Variants in USP35 observed in about 807,000 individuals in gnomAD.
The protein encoded by USP35 is ubiquitin carboxyl-terminal hydrolase 35.
Under a neutral mutation model 83.8 loss-of-function variants are expected in USP35, and 69 were observed. The ratio of observed to expected loss-of-function variants is 0.82; its 90% CI spans 0.68 to 1.01. The LOEUF is 1.01. Among genes scored for constraint, USP35 ranks in the 50% least tolerant of loss-of-function variants. The pLI is 0.00. For missense variants in USP35, 1,503 were observed against 1,362.5 expected (o/e 1.10, Z -1.62); for synonymous variants, 714 against 589.5 (o/e 1.21, Z -3.06).
intron 1 of USP35, among the ~76,000 whole-genome samples, chr11:78,193,308 C>T (rs369083793): frequency 1.2e-4 from 19 of 152,146 alleles, no homozygotes; most frequent in African/African-American, 4.6e-4. Context: ...AGCCTCCTGT[C>T]TCAGCCCCAA....
chr11:78,196,095 C>G lies in USP35; in HGVS notation c.-10-141C>G. The G allele has an allele frequency of 2.2e-6, 3 of 1,333,768 alleles. No homozygotes were observed. The highest frequency in any genetic ancestry group is 2.9e-6 in the Non-Finnish European group (3 of 1,025,160). The allele number at this position is 1,333,768 out of a possible 1,614,324, so 82.6% of individuals were successfully genotyped here. On this transcript the variant is annotated intron_variant, in intron 1 of 10. Transcript: ENST00000529308. This position sits in a 1 kb window ranked among gnomAD's most constrained non-coding sequence, Gnocchi z 4.8. ...GGATAGCTCTCAGTGAAATGACGCC[C>G]TTGCCCCATTTCACAGATGAGAAAA...
chr11:78,219,396 G>A (rs2134449451), downstream of USP35: 1 of 1,613,966 alleles, frequency 6.2e-7, no homozygotes, highest in East Asian at 2.2e-5. Context: ...CTCATCAGAG[G>A]TGACGGATGA....
chr11:78,237,150 C>G, the USP35 span, among the ~76,000 whole-genome samples: 7 of 152,112 alleles, frequency 4.6e-5, no homozygotes, highest in African/African-American at 1.7e-4. Context: ...TAGAATTTAC[C>G]AGTAAAACCA....
Position 78,196,272 on chromosome 11 carries a change from G to T in USP35, c.27G>T (p.Val9=). The T allele has an allele frequency of 1.3e-6, 2 of 1,595,552 alleles. No individual in the cohort carries two copies. Among genetic ancestry groups the T allele is most frequent in the Non-Finnish European group, 1.7e-6 (2 of 1,177,852 alleles). ...TGGACAAGATCTTGGAGGCGGTGGT[G>T]ACGTCGTCATACCCGGTCAGCGTGA... The part of the protein sequence containing the change: MDKILEAV[V]TSSYPVSVKQ... The change falls in exon 2 of 11, where the codon GTG becomes GTT. Residue 9 remains valine (V), a synonymous_variant. Coordinates refer to ENST00000529308, the MANE Select transcript of USP35 (RefSeq NM_020798.4). This position sits in a 1 kb window ranked among gnomAD's most constrained non-coding sequence, Gnocchi z 4.8.
At position 78,210,693 on chromosome 11, in the gene USP35, G is replaced by T. The variant is rs1157964637; in HGVS notation, c.2838G>T (p.Leu946=). 2 of 1,594,328 alleles carry T rather than the reference G, an allele frequency of 1.3e-6. No homozygotes were observed. Among genetic ancestry groups the T allele is most frequent in the Non-Finnish European group, 1.7e-6 (2 of 1,169,252 alleles). The change falls in exon 10 of 11, where the codon CTG becomes CTT. Residue 946 remains leucine (L), a synonymous_variant. Coordinates refer to ENST00000529308, the MANE Select transcript of USP35 (RefSeq NM_020798.4). ...GSSRVRTEPT[L]HKDLMEAISK... is the part of the protein sequence containing the mutation. ...CTAGAGTCCGGACAGAGCCCACCCT[G>T]CACAAGGACTTGATGGAAGCCATTT...
Position 78,209,714 on chromosome 11 carries a change from A to ATGCG in USP35, c.1859_1860insTGCG (p.Ile621AlafsTer109). 6.2e-7 allele frequency: 1 copy of ATGCG among 1,614,016 alleles called. No homozygotes were observed. The highest frequency in any genetic ancestry group is 8.5e-7 in the Non-Finnish European group (1 of 1,179,980). ...GGCTCTGTGATGCGCCCCACAGAAG[A>ATGCG]CATCACAGCCCGGGAGTTGCCCCCA... On this transcript the variant is annotated frameshift_variant, in exon 10 of 11. Coordinates refer to ENST00000529308, the MANE Select transcript of USP35 (RefSeq NM_020798.4). LOFTEE classifies it high-confidence loss of function.
At chr11:78,200,564 G>C in intron 5 of USP35, 86 bp from the exon 6 acceptor site, 1 of 1,521,864 alleles carries the variant, frequency 6.6e-7, no homozygotes, top group Middle Eastern at 2.4e-4. Flanking sequence ...ACCTCAGAGA[G>C]TGTTGCGTGC....
At chr11:78,206,505 A>T (rs1863534396) in intron 7 of USP35, among the ~76,000 whole-genome samples, 1 of 152,160 alleles carries the variant, frequency 6.6e-6, no homozygotes, top group Non-Finnish European at 1.5e-5. Context: ...GGCTTATCGT[A>T]TGTCCTCAAG....
chr11:78,226,158 C>A, the USP35 span, among the ~76,000 whole-genome samples: 186 of 152,270 alleles, frequency 1.2e-3, no homozygotes, highest in African/African-American at 4.3e-3. Flanking sequence ...GAATAAAATA[C>A]AATGATTTGG....
chr11:78,227,854 T>C, the USP35 span, among the ~76,000 whole-genome samples: 1 of 152,122 alleles, frequency 6.6e-6, no homozygotes, highest in Admixed American at 6.6e-5. Flanking sequence ...ACGTAAGCTC[T>C]AGATTTATTT....
intron 10 of USP35, among the ~76,000 whole-genome samples, chr11:78,211,517 AG>A (rs1194092894): frequency 6.6e-6 from 1 of 152,172 alleles, no homozygotes; most frequent in African/African-American, 2.4e-5. Context: ...TAGGTCTTTG[AG>A]GAATTGCCAC....
At chr11:78,226,949 G>A in the USP35 span, 2 of 1,613,538 alleles carry the variant, frequency 1.2e-6, no homozygotes, top group Admixed American at 1.7e-5. Flanking sequence ...CTTGACCACT[G>A]ATCCCGTTGA....
intron 3 of USP35, 124 bp downstream of exon 3, chr11:78,198,192 G>C: frequency 2.8e-6 from 4 of 1,422,636 alleles, no homozygotes; most frequent in Non-Finnish European, 3.8e-6. Context: ...GCCCTCATGT[G>C]TGTTCCATCA....
In USP35 at chr11:78,208,846, C is replaced by A. The variant is rs199583040; in HGVS notation, c.1486-11C>A. On this transcript the variant is annotated splice_polypyrimidine_tract_variant and intron_variant, in intron 8 of 10. Coordinates refer to ENST00000529308, the MANE Select transcript of USP35 (RefSeq NM_020798.4). The stretch of plus-strand genomic sequence containing the variant: ...TGCTCCTGACCATGCCTTTCGCCTG[C>A]CTTGTCCTAGCGGCCTGCCATTTCC... The A allele has an allele frequency of 1.5e-5, 25 of 1,613,990 alleles. No individual in the cohort carries two copies. The highest frequency in any genetic ancestry group is 2.5e-6 in the Non-Finnish European group (3 of 1,179,964).
chr11:78,227,631 CAAA>C, the USP35 span, among the ~76,000 whole-genome samples: 29 of 106,028 alleles, frequency 2.7e-4, no homozygotes, highest in Admixed American at 3.1e-4. Flanking sequence ...CCATTGCCAC[CAAA>C]AAAAAAAAAA....
chr11:78,201,006 A>G (rs1418268520), intron 6 of USP35, among the ~76,000 whole-genome samples, 198 bp downstream of exon 6: 1 of 152,224 alleles, frequency 6.6e-6, no homozygotes. Context: ...GGGCTGCCTC[A>G]TGGCTGCTCT....
chr11:78,213,571 G>C, intron 10 of USP35, 75 bp from the exon 11 acceptor site: 1 of 1,404,832 alleles, frequency 7.1e-7, no homozygotes, highest in Non-Finnish European at 9.3e-7. Flanking sequence ...ATTGAAAGGT[G>C]TTGTGCTGGG....
intron 6 of USP35, among the ~76,000 whole-genome samples, chr11:78,203,490 ATGAGCTC>A (rs1201124441): frequency 6.6e-6 from 1 of 152,230 alleles, no homozygotes; most frequent in African/African-American, 2.4e-5. Context: ...GTAGCCTGAC[ATGAGCTC>A]TGAGTTTGTC....
In USP35 at chr11:78,208,895, C is replaced by T. The variant is rs1590913738; in HGVS notation, c.1524C>T (p.Ser508=). ...AISPENFLSA[S]WTPWFSPGTQ... ...CCCCAGAGAACTTCCTCTCCGCATC[C>T]TGGACGCCCTGGTTCAGCCCTGGCA... is the stretch of plus-strand genomic sequence containing the variant. The change falls in exon 9 of 11, where the codon TCC becomes TCT. Residue 508 remains serine, a synonymous_variant. Coordinates refer to ENST00000529308, the MANE Select transcript of USP35 (RefSeq NM_020798.4). 6.2e-7 allele frequency: 1 copy of T among 1,614,232 alleles called. No individual in the cohort carries two copies. Among genetic ancestry groups the T allele is most frequent in the Non-Finnish European group, 8.5e-7 (1 of 1,180,042 alleles).
Sources: gnomAD v4.1 joint callset for allele counts (sites outside exome capture counted in the v4.1 genomes callset) on GRCh38, gnomAD v4.1.1 for gene constraint, Gnocchi (gnomAD v3.1) non-coding constraint, MANE v1.5 for transcripts, NCBI Gene and HGNC (gene_info 2026-07-23, HGNC 2026-07-21) for gene names.